Variants in CA5A observed in about 807,000 individuals in gnomAD.
CA5A encodes carbonic anhydrase 5A, also known as carbonic anhydrase 5A, mitochondrial.
In CA5A, 28 loss-of-function variants were observed where a neutral mutation model predicts 37.1. The observed-to-expected ratio is 0.75, with a 90% CI of 0.56 to 1.03. CA5A has a LOEUF of 1.03. Ranked by LOEUF, CA5A falls within the 50% of genes least tolerant of loss-of-function variation. The probability of loss-of-function intolerance (pLI) is 0.00; values close to 1 mark genes in which losing one functional copy is unlikely to be tolerated. For synonymous variants in CA5A, 171 were observed against 158.4 expected (o/e 1.08, Z -0.60); for missense variants, 444 against 399.9 (o/e 1.11, Z -0.94).
chr16:87,928,693 TAAAC>T (rs777846759), intron 1 of CA5A, among the ~76,000 whole-genome samples: 95 of 151,820 alleles, frequency 6.3e-4, no homozygotes, highest in Non-Finnish European at 1.5e-4. Context: ...TTCTTGCAAT[TAAAC>T]AAAGCTGTGA....
At chr16:87,882,579 C>G (rs538007826) in intron 4 of CA5A, 1 of 152,248 alleles carries the variant, frequency 6.6e-6, no homozygotes, top group Admixed American at 6.5e-5. Flanking sequence ...ATTCCCCAGA[C>G]CAACGGCGCT....
intron 5 of CA5A, chr16:87,893,122 C>CT (rs1483142575): frequency 3.0e-5 from 17 of 563,098 alleles, no homozygotes; most frequent in African/African-American, 1.6e-4. Context: ...TTCTTTCTTT[C>CT]TTCCTTTCTT....
rs58941982 is a variant in CA5A, at chr16:87,929,871, CAAAAAAA to C, written c.143-2933_143-2927del. Reference sequence around the variant, plus strand: ...TGGGCAATACAGCGAGACTCCGTCTCAAAAAAAAAAAAAAAAAAAAAAAAATAAGTAA... The same window carrying C: ...TGGGCAATACAGCGAGACTCCGTCTCAAAAAAAAAAAAAAAAAATAAGTAA... On this transcript the variant is annotated intron_variant, in intron 1 of 6. Transcript: ENST00000649794. Among the ~76,000 whole-genome samples, 225 of 62,336 alleles carry C rather than the reference CAAAAAAA, an allele frequency of 3.6e-3. 1 individual carries two copies. The highest frequency in any genetic ancestry group is 0.014 in the South Asian group (17 of 1,254). The allele number at this position is 62,336 out of a possible 152,430, so 40.9% of individuals were successfully genotyped here. A position where few individuals can be genotyped will look rare whatever the true frequency, so the allele number is the denominator to read the frequency against.
At chr16:87,932,443 C>A (rs749410885) in intron 1 of CA5A, among the ~76,000 whole-genome samples, 1 of 152,138 alleles carries the variant, frequency 6.6e-6, no homozygotes, top group African/African-American at 2.4e-5. Flanking sequence ...TTGAACTCAG[C>A]GTGTGTCACC....
At chr16:87,912,668 T>C (rs2056067921) in intron 2 of CA5A, among the ~76,000 whole-genome samples, 3 of 152,136 alleles carry the variant, frequency 2.0e-5, no homozygotes, top group Admixed American at 6.5e-5. Context: ...TAAAAAGCTG[T>C]GTGTCTGAGA....
chr16:87,930,376 C>G (rs1310244228), intron 1 of CA5A, among the ~76,000 whole-genome samples: 1 of 152,196 alleles, frequency 6.6e-6, no homozygotes, highest in African/African-American at 2.4e-5. Flanking sequence ...GGAGTCTCTG[C>G]TAGAGCTTCT....
chr16:87,923,013 T>G (rs1358814336), intron 2 of CA5A, among the ~76,000 whole-genome samples: 2 of 152,098 alleles, frequency 1.3e-5, no homozygotes, highest in African/African-American at 4.8e-5. Flanking sequence ...TGAGGAGAAG[T>G]GAGTTGGTGA....
chr16:87,889,912 A>G (rs2055689301), intron 6 of CA5A, among the ~76,000 whole-genome samples: 1 of 152,274 alleles, frequency 6.6e-6, no homozygotes, highest in East Asian at 1.9e-4. Flanking sequence ...ACATGCTGAC[A>G]GCATACTGGT....
chr16:87,928,097 G>A (rs1334732646), intron 1 of CA5A, among the ~76,000 whole-genome samples: 1 of 152,146 alleles, frequency 6.6e-6, no homozygotes, highest in African/African-American at 2.4e-5. Flanking sequence ...TCACCCCAGA[G>A]GCCTGGCGTG....
intron 2 of CA5A, among the ~76,000 whole-genome samples, chr16:87,917,615 GCACA>G (rs113316539): frequency 0.015 from 2,321 of 150,844 alleles, 70 homozygotes; most frequent in African/African-American, 0.053. Context: ...CCACACATGT[GCACA>G]CACAAACACA....
intron 1 of CA5A, among the ~76,000 whole-genome samples, chr16:87,932,658 G>A (rs1354048674): frequency 6.6e-6 from 1 of 151,954 alleles, no homozygotes; most frequent in African/African-American, 2.4e-5. Flanking sequence ...TATGGGTCAA[G>A]CCCTGGCCCA....
intron 2 of CA5A, among the ~76,000 whole-genome samples, chr16:87,914,378 G>A (rs927542267): frequency 5.9e-5 from 9 of 152,222 alleles, no homozygotes; most frequent in African/African-American, 2.2e-4. Flanking sequence ...GCACTGAGGG[G>A]TGGGATGATG....
chr16:87,899,343 C>G lies in CA5A; in HGVS notation c.618+2569G>C, dbSNP rs2055845100. ...TTTTGAGATGAGTCTCGCTGTGTCA[C>G]TCGGCCTGGAGTGTAGTGGCACAAT... On this transcript the variant is annotated intron_variant, in intron 5 of 6. Coordinates refer to ENST00000649794, the MANE Select transcript of CA5A (RefSeq NM_001739.2). Among the ~76,000 whole-genome samples the G allele has an allele frequency of 3.7e-5, 5 of 135,080 alleles. No individual in the cohort carries two copies. In the South Asian group the frequency reaches 1.2e-3, roughly 33 times the overall value. 88.6% of individuals were successfully genotyped at this position (135,080 alleles called of 152,430 possible).
chr16:87,913,851 G>C (rs571277925), intron 2 of CA5A, among the ~76,000 whole-genome samples: 1 of 152,296 alleles, frequency 6.6e-6, no homozygotes, highest in African/African-American at 2.4e-5. Flanking sequence ...GCTCTTGCTG[G>C]GTGCAGCCGT....
intron 5 of CA5A, among the ~76,000 whole-genome samples, chr16:87,896,054 C>T (rs1179551243): frequency 1.3e-5 from 2 of 152,234 alleles, no homozygotes; most frequent in African/African-American, 4.8e-5. Context: ...ATCCCCAGGG[C>T]ACAGATGTGC....
chr16:87,923,375 A>G (rs151195451), intron 2 of CA5A: 2,612 of 181,524 alleles, frequency 0.014, 81 homozygotes, highest in African/African-American at 0.058. Flanking sequence ...TTTAGTACAG[A>G]TGGGGTTTCA....
chr16:87,896,722 C>A (rs2055807778), intron 5 of CA5A, among the ~76,000 whole-genome samples: 3 of 152,224 alleles, frequency 2.0e-5, no homozygotes, highest in Admixed American at 1.3e-4. Context: ...CTCACCACAA[C>A]CTCCACCGCC....
intron 5 of CA5A, chr16:87,893,352 C>G: frequency 2.5e-6 from 1 of 405,370 alleles, no homozygotes; most frequent in African/African-American, 2.0e-5. Context: ...TGGTCTCGAT[C>G]TCCTGACCTC....
chr16:87,927,455 TG>T (rs1192525718), intron 1 of CA5A, among the ~76,000 whole-genome samples: 1 of 152,130 alleles, frequency 6.6e-6, no homozygotes, highest in East Asian at 1.9e-4. Flanking sequence ...AAGGAGGAAA[TG>T]AGACCCCAGT....
Sources: gnomAD v4.1 joint callset for allele counts (sites outside exome capture counted in the v4.1 genomes callset) on GRCh38, gnomAD v4.1.1 for gene constraint, MANE v1.5 for transcripts, NCBI Gene and HGNC (gene_info 2026-07-23, HGNC 2026-07-21) for gene names.